Variants in CFAP20DC observed in about 807,000 individuals in gnomAD.
The protein encoded by CFAP20DC is protein CFAP20DC.
A neutral mutation model predicts 101.7 loss-of-function variants in CFAP20DC; 84 were observed. That is an observed-to-expected ratio of 0.83 (90% confidence interval 0.69 to 0.99). The LOEUF is 0.99. Among genes scored for constraint, CFAP20DC ranks in the 50% least tolerant of loss-of-function variants. CFAP20DC has a pLI of 0.00. For synonymous variants in CFAP20DC, 359 were observed against 351.2 expected (o/e 1.02, Z -0.25); for missense variants, 1,007 against 970.3 (o/e 1.04, Z -0.50).
At position 58,859,367 on chromosome 3, in the gene CFAP20DC, T is replaced by G. The variant is rs563540134; in HGVS notation, c.1593+4191A>C. ...AATTTTTCAAGGCAAAACATATTTTTCTATAAGTTAGACTTCATGTTCTTT... is the reference window on the plus strand; with the variant it reads ...AATTTTTCAAGGCAAAACATATTTTGCTATAAGTTAGACTTCATGTTCTTT... On this transcript the variant is annotated intron_variant, in intron 12 of 16. Coordinates refer to ENST00000482387, the MANE Select transcript of CFAP20DC (RefSeq NM_001394063.1). This position sits in a 1 kb window ranked among gnomAD's most constrained non-coding sequence, Gnocchi z 4.1. 6.6e-6 allele frequency among the ~76,000 whole-genome samples: 1 copy of G among 152,348 alleles called. No individual in the cohort carries two copies. The highest frequency in any genetic ancestry group is 2.4e-5 in the African/African-American group (1 of 41,596).
intron 5 of CFAP20DC, among the ~76,000 whole-genome samples, chr3:58,932,476 T>C (rs2086849984): frequency 6.6e-6 from 1 of 152,040 alleles, no homozygotes; most frequent in African/African-American, 2.4e-5. Flanking sequence ...AATTGTCAGA[T>C]TCACCAAAGT....
intron 4 of CFAP20DC, among the ~76,000 whole-genome samples, chr3:59,020,230 T>C (rs914252636): frequency 6.6e-6 from 1 of 152,056 alleles, no homozygotes; most frequent in African/African-American, 2.4e-5. Context: ...ACAACCCACA[T>C]AAAGAAAAGC....
intron 4 of CFAP20DC, among the ~76,000 whole-genome samples, chr3:59,038,458 A>G (rs929480569): frequency 2.0e-5 from 3 of 152,186 alleles, no homozygotes; most frequent in Non-Finnish European, 4.4e-5. Flanking sequence ...CTACAGGCAT[A>G]TCTTGTTTTA....
At chr3:58,890,384 C>T (rs563738983) in intron 6 of CFAP20DC, among the ~76,000 whole-genome samples, 4 of 135,774 alleles carry the variant, frequency 2.9e-5, no homozygotes, top group South Asian at 4.8e-4. Flanking sequence ...TAGGGGCGGC[C>T]GGGCAGAGGC....
downstream of CFAP20DC, among the ~76,000 whole-genome samples, chr3:58,738,421 A>G (rs2067806513): frequency 2.0e-5 from 3 of 151,908 alleles, no homozygotes; most frequent in African/African-American, 7.3e-5. The surrounding 1 kb of genome is among the most constrained non-coding windows in gnomAD (Gnocchi z 4.4). Context: ...GCTCCCACTT[A>G]TAAGTTAGAA....
intron 7 of CFAP20DC, among the ~76,000 whole-genome samples, chr3:58,881,106 C>G (rs1006625906): frequency 5.3e-5 from 8 of 152,136 alleles, no homozygotes; most frequent in African/African-American, 1.7e-4. Context: ...TCACCATTGC[C>G]AAAAATAGTT....
chr3:58,849,769 C>T (rs1036690546), intron 12 of CFAP20DC, among the ~76,000 whole-genome samples: 1 of 152,112 alleles, frequency 6.6e-6, no homozygotes, highest in South Asian at 2.1e-4. Flanking sequence ...TATACTTTGA[C>T]TTTCTGATAA....
At chr3:59,031,263 A>G (rs1488081570) in intron 4 of CFAP20DC, among the ~76,000 whole-genome samples, 1 of 152,214 alleles carries the variant, frequency 6.6e-6, no homozygotes, top group South Asian at 2.1e-4. Flanking sequence ...TCTAAGGTTC[A>G]GCCAAATGTC....
chr3:58,977,997 T>C (rs2092352572), intron 4 of CFAP20DC, among the ~76,000 whole-genome samples: 1 of 152,126 alleles, frequency 6.6e-6, no homozygotes, highest in African/African-American at 2.4e-5. Context: ...AGGAACTGAA[T>C]GGGGAAAGGC....
At chr3:59,046,165 T>C in intron 3 of CFAP20DC, 64 bp downstream of exon 3, 1 of 1,120,502 alleles carries the variant, frequency 8.9e-7, no homozygotes, top group Non-Finnish European at 1.3e-6. Context: ...TGCCTGTTTA[T>C]GAGACATAAA....
chr3:58,910,160 ATGTATTTGCTAT>A (rs527738392), intron 6 of CFAP20DC, among the ~76,000 whole-genome samples: 1 of 152,040 alleles, frequency 6.6e-6, no homozygotes. Flanking sequence ...GGTTGATTCC[ATGTATTTGCTAT>A]TAAGACTTTA....
intron 12 of CFAP20DC, among the ~76,000 whole-genome samples, chr3:58,857,226 C>T (rs1273586638): frequency 1.3e-5 from 2 of 152,152 alleles, no homozygotes; most frequent in East Asian, 3.8e-4. Flanking sequence ...ATTTAGAGGG[C>T]TGCATGGAAA....
chr3:58,814,586 A>G (rs1428981202), intron 14 of CFAP20DC, among the ~76,000 whole-genome samples: 1 of 151,434 alleles, frequency 6.6e-6, no homozygotes, highest in Non-Finnish European at 1.5e-5. Flanking sequence ...TGCAGATGAC[A>G]TGATTGTATA....
At chr3:58,958,206 C>T (rs1048934569) in intron 4 of CFAP20DC, among the ~76,000 whole-genome samples, 2 of 152,078 alleles carry the variant, frequency 1.3e-5, no homozygotes, top group South Asian at 4.1e-4. Flanking sequence ...CTCAAACTCC[C>T]AGCCCCAGAC....
chr3:58,955,495 C>T (rs2090545659), intron 4 of CFAP20DC, among the ~76,000 whole-genome samples: 1 of 152,080 alleles, frequency 6.6e-6, no homozygotes, highest in African/African-American at 2.4e-5. Flanking sequence ...AGCTGATGCC[C>T]ACCCACAGAG....
intron 3 of CFAP20DC, among the ~76,000 whole-genome samples, chr3:59,040,301 T>C (rs1699247245): frequency 6.6e-6 from 1 of 152,078 alleles, no homozygotes; most frequent in Non-Finnish European, 1.5e-5. Flanking sequence ...AACCAGTCCC[T>C]ACAGCATTTT....
At chr3:58,763,608 G>A in intron 15 of CFAP20DC, among the ~76,000 whole-genome samples, 1 of 152,158 alleles carries the variant, frequency 6.6e-6, no homozygotes, top group East Asian at 1.9e-4. Flanking sequence ...GAGGAGGAGA[G>A]GCACTCTGAT....
chr3:58,784,141 C>A (rs2072103940), intron 15 of CFAP20DC, among the ~76,000 whole-genome samples: 1 of 151,688 alleles, frequency 6.6e-6, no homozygotes, highest in Non-Finnish European at 1.5e-5. Flanking sequence ...CATGGGTATC[C>A]AGTGTTTAGT....
intron 14 of CFAP20DC, among the ~76,000 whole-genome samples, chr3:58,806,983 G>C (rs895811241): frequency 3.3e-5 from 5 of 152,200 alleles, no homozygotes; most frequent in Non-Finnish European, 5.9e-5. Context: ...AGCAGTCTGA[G>C]ATCAAACTGC....
Sources: gnomAD v4.1 joint callset for allele counts (sites outside exome capture counted in the v4.1 genomes callset) on GRCh38, gnomAD v4.1.1 for gene constraint, Gnocchi (gnomAD v3.1) non-coding constraint, MANE v1.5 for transcripts, NCBI Gene and HGNC (gene_info 2026-07-23, HGNC 2026-07-21) for gene names.